COL13A1: variants seen among roughly 807,000 people sequenced by gnomAD.
COL13A1 encodes collagen type XIII alpha 1 chain.
COL13A1 carries 89 observed loss-of-function variants against 130.9 expected under a neutral mutation model. The ratio of observed to expected loss-of-function variants is 0.68; its 90% CI spans 0.57 to 0.81. The LOEUF (loss-of-function observed/expected upper bound fraction) is 0.81. COL13A1 is among the 30% of genes least tolerant of loss of function. The pLI is 0.00. For synonymous variants in COL13A1, 402 were observed against 341.6 expected, an observed-to-expected ratio of 1.18 and a Z score of -1.95; for missense variants, 879 against 934.6, an observed-to-expected ratio of 0.94 and a Z score of 0.78.
At chr10:69,874,777 T>A (rs1378528424) in intron 4 of COL13A1, among the ~76,000 whole-genome samples, 2 of 152,138 alleles carry the variant, frequency 1.3e-5, no homozygotes, top group Non-Finnish European at 2.9e-5. Context: ...ATGAGGCACA[T>A]CCTGGCCATG....
chr10:69,910,955 C>T (rs994469558), intron 17 of COL13A1, among the ~76,000 whole-genome samples: 5 of 152,188 alleles, frequency 3.3e-5, no homozygotes, highest in African/African-American at 1.2e-4. Context: ...ACACACATTC[C>T]CCTCTTTCAG....
intron 2 of COL13A1, among the ~76,000 whole-genome samples, chr10:69,842,296 G>A (rs1851817703): frequency 6.6e-6 from 1 of 152,108 alleles, no homozygotes; most frequent in African/African-American, 2.4e-5. Context: ...CTTCTGCCAG[G>A]GTTGTGGGGC....
chr10:69,917,056 C>G (rs538655302), intron 17 of COL13A1, among the ~76,000 whole-genome samples: 1 of 152,274 alleles, frequency 6.6e-6, no homozygotes, highest in Admixed American at 6.5e-5. Context: ...CTAGGTAAGC[C>G]TCTCTGTCTG....
intron 29 of COL13A1, 112 bp downstream of exon 29, chr10:69,930,199 G>A: frequency 1.8e-6 from 2 of 1,138,520 alleles, no homozygotes; most frequent in South Asian, 1.4e-5. Context: ...AGTGGGCAAG[G>A]GAAGGGGAGA....
intron 8 of COL13A1, 80 bp from the exon 9 acceptor site, chr10:69,888,224 C>CT (rs2060794267): frequency 6.5e-7 from 1 of 1,538,018 alleles, no homozygotes; most frequent in Non-Finnish European, 8.9e-7. Context: ...AGAATCTGTG[C>CT]TTTTCCCCAC....
intron 7 of COL13A1, among the ~76,000 whole-genome samples, chr10:69,883,183 G>A (rs2134395831): frequency 6.6e-6 from 1 of 152,286 alleles, no homozygotes; most frequent in South Asian, 2.1e-4. Context: ...GAAGTGAGCT[G>A]GAATACAGTG....
In COL13A1 at chr10:69,915,903, A is replaced by AT. The variant is rs370640774; in HGVS notation, c.922-1385dup. Among the ~76,000 whole-genome samples the AT allele has an allele frequency of 1.4e-3, 211 of 152,368 alleles. 1 individual carries two copies. Among genetic ancestry groups the AT allele is most frequent in the African/African-American group, 4.6e-3 (193 of 41,588 alleles). On this transcript the variant is annotated intron_variant, in intron 17 of 40. Coordinates refer to ENST00000645393, the MANE Select transcript of COL13A1 (RefSeq NM_001368882.1). ...GAAACTAGTGATATCATGACATGAT[A>AT]TCAGGTGATGAGGCTAGGAAGGAAG...
At chr10:69,817,734 G>T (rs1207249451) in intron 1 of COL13A1, among the ~76,000 whole-genome samples, 1 of 151,882 alleles carries the variant, frequency 6.6e-6, no homozygotes, top group African/African-American at 2.4e-5. Flanking sequence ...ATTTGAGCCG[G>T]GCACGGAGGG....
intron 2 of COL13A1, among the ~76,000 whole-genome samples, chr10:69,822,919 A>G (rs562110962): frequency 1.3e-5 from 2 of 152,362 alleles, no homozygotes; most frequent in South Asian, 4.1e-4. Flanking sequence ...TGTGTTCACT[A>G]TATGGCCTCT....
intron 35 of COL13A1, among the ~76,000 whole-genome samples, chr10:69,943,811 C>A (rs776737487): frequency 3.3e-5 from 5 of 152,236 alleles, no homozygotes; most frequent in Non-Finnish European, 5.9e-5. Flanking sequence ...GGGTCCACTC[C>A]CTCCCAAGTG....
intron 1 of COL13A1, among the ~76,000 whole-genome samples, chr10:69,818,887 G>A (rs892787904): frequency 7.9e-5 from 12 of 152,234 alleles, no homozygotes; most frequent in Non-Finnish European, 2.9e-5. Context: ...TACCTAGAAA[G>A]AATGTTTTCC....
In COL13A1 at chr10:69,927,093, C is replaced by G. The variant is rs752335051; in HGVS notation, c.1405C>G (p.Arg469Gly). 19 of 1,613,686 alleles carry G rather than the reference C, an allele frequency of 1.2e-5. No individual in the cohort carries two copies. Among genetic ancestry groups the G allele is most frequent in the South Asian group, 5.5e-5 (5 of 91,076 alleles). The stretch of plus-strand genomic sequence containing the variant: ...CCTGGTGTTGGTTTTTTAGGAGATC[C>G]GGACGCTGGCCTTGATGGTAAGTTT... ...GNINEALQEI[R>G]TLALMGPPGL... is the part of the protein sequence containing the mutation. Residue 469 changes from arginine (R) to glycine (G), a missense_variant, in exon 27 of 41, where the codon CGG (arginine) becomes GGG (glycine). By Grantham distance (125) the Arg-to-Gly change is moderately radical. Transcript: ENST00000645393.
At chr10:69,941,459 C>G (rs1361960015) in intron 35 of COL13A1, among the ~76,000 whole-genome samples, 1 of 152,186 alleles carries the variant, frequency 6.6e-6, no homozygotes. Flanking sequence ...CCACGAGGGC[C>G]TCCTAGTCTT....
At chr10:69,890,004 G>A (rs1317568380) in intron 10 of COL13A1, among the ~76,000 whole-genome samples, 1 of 152,030 alleles carries the variant, frequency 6.6e-6, no homozygotes, top group Non-Finnish European at 1.5e-5. Flanking sequence ...TGGAGGTTGG[G>A]CCACTTGGCA....
intron 16 of COL13A1, 34 bp from the exon 17 acceptor site, chr10:69,905,753 A>G: frequency 9.3e-6 from 15 of 1,611,466 alleles, no homozygotes; most frequent in Non-Finnish European, 1.3e-5. Context: ...GCAGTGGGAA[A>G]ACCTCTTTAA....
chr10:69,892,673 T>C (rs1467952488), intron 10 of COL13A1, among the ~76,000 whole-genome samples: 1 of 152,160 alleles, frequency 6.6e-6, no homozygotes, highest in African/African-American at 2.4e-5. Flanking sequence ...GCTAAGCACA[T>C]CACCGGTGGC....
chr10:69,895,473 A>G (rs2061543991), intron 12 of COL13A1, 77 bp from the exon 13 acceptor site: 1 of 1,501,098 alleles, frequency 6.7e-7, no homozygotes, highest in Admixed American at 1.7e-5. Flanking sequence ...CATGTCCTGA[A>G]GTGCTGGGGG....
intron 2 of COL13A1, among the ~76,000 whole-genome samples, chr10:69,851,962 A>G (rs1212664472): frequency 3.3e-5 from 5 of 152,100 alleles, no homozygotes; most frequent in South Asian, 4.1e-4. Context: ...GCCTATTTCA[A>G]TTTTAGTTTA....
At chr10:69,944,688 A>T (rs1180480296) in intron 36 of COL13A1, among the ~76,000 whole-genome samples, 1 of 150,610 alleles carries the variant, frequency 6.6e-6, no homozygotes, top group African/African-American at 2.4e-5. Context: ...AAGAAAAAGA[A>T]AGAAAGAAAG....
Sources: gnomAD v4.1 joint callset for allele counts (sites outside exome capture counted in the v4.1 genomes callset) on GRCh38, gnomAD v4.1.1 for gene constraint, MANE v1.5 for transcripts, NCBI Gene and HGNC (gene_info 2026-07-23, HGNC 2026-07-21) for gene names.